Variants in PTPN11 observed in about 807,000 individuals in gnomAD.
PTPN11 encodes the protein protein tyrosine phosphatase non-receptor type 11.
Under a neutral mutation model 78.8 loss-of-function variants are expected in PTPN11, and 6 were observed. The observed-to-expected ratio is 0.08, with a 90% CI of 0.04 to 0.15. The LOEUF (loss-of-function observed/expected upper bound fraction) is 0.15, where lower values mean the gene tolerates loss of function less well. Among genes scored for constraint, PTPN11 ranks in the 10% least tolerant of loss-of-function variants. PTPN11 has a pLI of 1.00. For missense variants in PTPN11, 386 were observed against 744.8 expected, an observed-to-expected ratio of 0.52 and a Z score of 5.61; for synonymous variants, 221 against 263.5, an observed-to-expected ratio of 0.84 and a Z score of 1.56.
chr12:112,507,399 C>T lies in PTPN11; in HGVS notation c.*1607C>T, dbSNP rs1176285293. ...ACCACCCCACTGGGGCATCCCCAGA[C>T]TTGGGAAACGTGACTCTTTCTTAAT... On this transcript the variant is annotated 3_prime_UTR_variant, in exon 16 of 16. Coordinates refer to ENST00000351677, the MANE Select transcript of PTPN11 (RefSeq NM_002834.5). 4 of 152,590 alleles carry T rather than the reference C, an allele frequency of 2.6e-5. No homozygotes were observed. The highest frequency in any genetic ancestry group is 5.9e-5 in the Non-Finnish European group (4 of 68,128). The allele number at this position is 152,590 out of a possible 1,614,324, so 9.5% of individuals were successfully genotyped here. A position where few individuals can be genotyped will look rare whatever the true frequency, so the allele number is the denominator to read the frequency against.
intron 6 of PTPN11, among the ~76,000 whole-genome samples, chr12:112,464,354 T>C (rs895988386): frequency 2.0e-5 from 3 of 152,340 alleles, no homozygotes; most frequent in Middle Eastern, 3.4e-3. Flanking sequence ...GGATATGTTG[T>C]GTGATCTAGA....
chr12:112,450,411 G>A lies in PTPN11; in HGVS notation c.231G>A (p.Leu77=), dbSNP rs2038063935. The change falls in exon 3 of 16, where the codon TTG becomes TTA. Residue 77 remains leucine, a synonymous_variant. Coordinates refer to ENST00000351677, the MANE Select transcript of PTPN11 (RefSeq NM_002834.5). Reference sequence around the variant, plus strand: ...AGAAATTTGCCACTTTGGCTGAGTTGGTCCAGTATTACATGGAACATCACG... The same window carrying A: ...AGAAATTTGCCACTTTGGCTGAGTTAGTCCAGTATTACATGGAACATCACG... ...GGEKFATLAE[L]VQYYMEHHGQ... 1.2e-6 allele frequency: 2 copies of A among 1,613,702 alleles called. No homozygotes were observed. Among genetic ancestry groups the A allele is most frequent in the Non-Finnish European group, 1.7e-6 (2 of 1,179,640 alleles).
intron 6 of PTPN11, among the ~76,000 whole-genome samples, chr12:112,462,890 C>G (rs1325592166): frequency 2.0e-5 from 3 of 152,100 alleles, no homozygotes; most frequent in African/African-American, 7.2e-5. Flanking sequence ...CTTGTGTATG[C>G]ATCCTGCTTT....
intron 9 of PTPN11, among the ~76,000 whole-genome samples, chr12:112,479,520 A>G (rs908070114): frequency 4.6e-5 from 7 of 152,204 alleles, no homozygotes; most frequent in African/African-American, 1.7e-4. Context: ...CTTTGAGGCC[A>G]GTTCTGGTCA....
Position 112,482,970 on chromosome 12 carries a change from T to G in PTPN11, c.1224+765T>G, listed in dbSNP as rs2038619900. Among the ~76,000 whole-genome samples the G allele has an allele frequency of 6.6e-6, 1 of 152,164 alleles. No homozygotes were observed. The highest frequency in any genetic ancestry group is 2.1e-4 in the South Asian group (1 of 4,828). Reference sequence around the variant, plus strand: ...CATTCATCTATTCATTCAGAGATATTTGTTCAATGACCTCTTGGTTCCTGG... The same window carrying G: ...CATTCATCTATTCATTCAGAGATATGTGTTCAATGACCTCTTGGTTCCTGG... On this transcript the variant is annotated intron_variant, in intron 10 of 15. Coordinates refer to ENST00000351677, the MANE Select transcript of PTPN11 (RefSeq NM_002834.5). The surrounding 1 kb of genome is among the most constrained non-coding windows in gnomAD (Gnocchi z 4.4).
intron 6 of PTPN11, among the ~76,000 whole-genome samples, chr12:112,466,208 A>G (rs1187397270): frequency 6.6e-6 from 1 of 152,242 alleles, no homozygotes; most frequent in Non-Finnish European, 1.5e-5. Context: ...TTTACTATTT[A>G]GGTCTCTTTG....
Position 112,509,666 on chromosome 12 carries a change from A to G in PTPN11, c.*3874A>G, listed in dbSNP as rs1038368958. The G allele has an allele frequency of 3.3e-5, 5 of 152,674 alleles. No homozygotes were observed. The highest frequency in any genetic ancestry group is 2.1e-4 in the South Asian group (1 of 4,832). The allele number at this position is 152,674 out of a possible 1,614,324, so 9.5% of individuals were successfully genotyped here. On this transcript the variant is annotated 3_prime_UTR_variant, in exon 16 of 16. Coordinates refer to ENST00000351677, the MANE Select transcript of PTPN11 (RefSeq NM_002834.5). ...TTTATTATACATTTAGTGTTTCAAG[A>G]GATTCACTTAATTGCCTTTTTGCCC...
chr12:112,468,983 G>A (rs2038372209), intron 6 of PTPN11, among the ~76,000 whole-genome samples: 1 of 152,144 alleles, frequency 6.6e-6, no homozygotes, highest in Non-Finnish European at 1.5e-5. Context: ...AGGATCACTT[G>A]AGCCCAGGAG....
intron 1 of PTPN11, among the ~76,000 whole-genome samples, chr12:112,424,035 A>G (rs1467936426): frequency 3.9e-5 from 6 of 152,168 alleles, no homozygotes; most frequent in Non-Finnish European, 5.9e-5. Context: ...TACAGATGTG[A>G]ACCACTGTAC....
intron 1 of PTPN11, among the ~76,000 whole-genome samples, chr12:112,433,304 A>G (rs1373699160): frequency 1.3e-5 from 2 of 152,218 alleles, no homozygotes; most frequent in African/African-American, 2.4e-5. Flanking sequence ...TGTGTAGCCT[A>G]GGAGCAATAG....
rs892754965 is a variant in PTPN11, at chr12:112,440,171, G to A, written c.15-6105G>A. Among the ~76,000 whole-genome samples, 4 of 152,070 alleles carry A rather than the reference G, an allele frequency of 2.6e-5. No homozygotes were observed. The East Asian group carries it at 5.8e-4, about 22-fold the overall frequency. On this transcript the variant is annotated intron_variant, in intron 1 of 15. Coordinates refer to ENST00000351677, the MANE Select transcript of PTPN11 (RefSeq NM_002834.5). ...GCAAGGAAGGATTTTTTTTCTTAAC[G>A]GAATAGTTTAACCATTCTGAATGCA...
chr12:112,442,386 C>A (rs2037907228), intron 1 of PTPN11, among the ~76,000 whole-genome samples: 1 of 151,946 alleles, frequency 6.6e-6, no homozygotes, highest in Admixed American at 6.6e-5. Flanking sequence ...AATCTCAAAT[C>A]TGAAATATCT....
chr12:112,453,662 TG>T (rs369901782), intron 4 of PTPN11, among the ~76,000 whole-genome samples: 39 of 150,832 alleles, frequency 2.6e-4, no homozygotes, highest in African/African-American at 8.7e-4. Context: ...TTTTTTTTTT[TG>T]TTTTTGTTTT....
At chr12:112,486,181 G>C (rs1224578818) in intron 10 of PTPN11, among the ~76,000 whole-genome samples, 1 of 152,104 alleles carries the variant, frequency 6.6e-6, no homozygotes, top group South Asian at 2.1e-4. Flanking sequence ...AGGGATGCAG[G>C]GGAATAGGGA....
chr12:112,446,183 C>T, intron 1 of PTPN11, 93 bp from the exon 2 acceptor site: 1 of 1,526,898 alleles, frequency 6.5e-7, no homozygotes, highest in Non-Finnish European at 9.0e-7. Flanking sequence ...AAATTTTCTA[C>T]TCTGCTCATA....
At chr12:112,473,605 C>T (rs764367570) in intron 7 of PTPN11, among the ~76,000 whole-genome samples, 3 of 151,504 alleles carry the variant, frequency 2.0e-5, no homozygotes, top group Non-Finnish European at 4.4e-5. Context: ...CCAGCACTTT[C>T]GGAGGCCGAG....
chr12:112,434,898 T>G (rs983668298), intron 1 of PTPN11, among the ~76,000 whole-genome samples: 7 of 151,910 alleles, frequency 4.6e-5, no homozygotes, highest in African/African-American at 1.7e-4. Flanking sequence ...GTGATTCTTG[T>G]GCCTCAGCCT....
In PTPN11 at chr12:112,454,610, C is replaced by G. The variant is rs370763866; in HGVS notation, c.572C>G (p.Thr191Arg). 6.2e-7 allele frequency: 1 copy of G among 1,613,840 alleles called. No homozygotes were observed. Among genetic ancestry groups the G allele is most frequent in the South Asian group, 1.1e-5 (1 of 91,072 alleles). ...GGAGGAGAACGGTTTGATTCTTTGA[C>G]AGATCTTGTGGAACATTATAAGAAG... is the stretch of plus-strand genomic sequence containing the variant. ...VGGGERFDSL[T>R]DLVEHYKKNP... The change falls in exon 5 of 16, where the codon ACA (threonine) becomes AGA (arginine). Residue 191 changes from threonine to arginine, a missense_variant. By Grantham distance (71) the Thr-to-Arg change is moderately conservative. Around this residue, in one of 3 missense-constraint regions of PTPN11, gnomAD observed 279 missense variants for 503.3 expected, o/e 0.55. Transcript: ENST00000351677.
chr12:112,459,419 T>C (rs2038213688), intron 6 of PTPN11, among the ~76,000 whole-genome samples: 1 of 151,996 alleles, frequency 6.6e-6, no homozygotes, highest in Non-Finnish European at 1.5e-5. Context: ...CCCTGACTTG[T>C]CTTGAAGCAA....
Sources: gnomAD v4.1 joint callset for allele counts (sites outside exome capture counted in the v4.1 genomes callset) on GRCh38, gnomAD v4.1.1 for gene constraint, gnomAD v4.1.1 regional missense constraint, Gnocchi (gnomAD v3.1) non-coding constraint, MANE v1.5 for transcripts, NCBI Gene and HGNC (gene_info 2026-07-23, HGNC 2026-07-21) for gene names.